The following GALM variants were observed in gnomAD, a reference collection of about 807,000 sequenced individuals.
GALM encodes galactose mutarotase, also known as aldose 1-epimerase.
A neutral mutation model predicts 37.4 loss-of-function variants in GALM; 43 were observed. That is an observed-to-expected ratio of 1.15 (90% confidence interval 0.90 to 1.48). The LOEUF (loss-of-function observed/expected upper bound fraction) is 1.48. Ranked by LOEUF, GALM falls within the 40% of genes most tolerant of loss-of-function variation. GALM has a pLI of 0.00. For synonymous variants in GALM, 199 were observed against 170.6 expected (o/e 1.17, Z -1.30); for missense variants, 456 against 419.1 (o/e 1.09, Z -0.77).
chr2:38,708,117 TAAAA>T (rs1666077973), intron 4 of GALM, among the ~76,000 whole-genome samples: 2 of 30,670 alleles, frequency 6.5e-5, no homozygotes, highest in Non-Finnish European at 1.7e-4. Flanking sequence ...AAAATTAAAA[TAAAA>T]TAAAATAAAA....
chr2:38,693,689 C>T (rs1274564985), intron 4 of GALM, among the ~76,000 whole-genome samples: 2 of 152,038 alleles, frequency 1.3e-5, no homozygotes, highest in African/African-American at 2.4e-5. Context: ...TAATTCATAC[C>T]ACAAGCCTGT....
chr2:38,714,830 A>G (rs946453623), intron 4 of GALM, among the ~76,000 whole-genome samples: 4 of 152,252 alleles, frequency 2.6e-5, no homozygotes, highest in African/African-American at 9.6e-5. Flanking sequence ...TGGATAGTCA[A>G]CTAGCATTGG....
intron 1 of GALM, chr2:38,671,336 T>C (rs1338272932): frequency 1.3e-5 from 2 of 152,048 alleles, no homozygotes; most frequent in African/African-American, 4.8e-5. Context: ...ATAAAGAAAA[T>C]AGGTTTAGTT....
At chr2:38,667,014 C>T (rs964309810) in intron 1 of GALM, among the ~76,000 whole-genome samples, 23 of 152,130 alleles carry the variant, frequency 1.5e-4, no homozygotes, top group African/African-American at 5.1e-4. Context: ...TCTATTAATC[C>T]GATGACCTCA....
Position 38,676,033 on chromosome 2 carries a change from C to G in GALM, c.312C>G (p.Asn104Lys). ...ACCTGGCCATTAACAAGGAACCCAA[C>G]AGTCTGCATGGAGGAGTCAGAGGGT... ...EYHLAINKEP[N>K]SLHGGVRGFD... Residue 104 changes from asparagine to lysine, a missense_variant, in exon 2 of 7, where the codon AAC becomes AAG. Physicochemically the swap from Asn to Lys is moderately conservative, Grantham distance 94. Transcript: ENST00000272252. 2 of 1,614,122 alleles carry G rather than the reference C, an allele frequency of 1.2e-6. No homozygotes were observed. The highest frequency in any genetic ancestry group is 1.7e-6 in the Non-Finnish European group (2 of 1,180,016).
chr2:38,714,284 G>A (rs553738186), intron 4 of GALM, among the ~76,000 whole-genome samples: 6 of 151,384 alleles, frequency 4.0e-5, no homozygotes, highest in African/African-American at 9.7e-5. Flanking sequence ...GTGTGATCTC[G>A]GCTCACTGCA....
At chr2:38,725,332 T>G (rs1282196488) in intron 4 of GALM, among the ~76,000 whole-genome samples, 1 of 149,588 alleles carries the variant, frequency 6.7e-6, no homozygotes, top group Non-Finnish European at 1.5e-5. Flanking sequence ...CCCAGGAGTT[T>G]GAAACCAGCC....
Position 38,676,039 on chromosome 2 carries a change from G to A in GALM, c.318G>A (p.Leu106=). ...HLAINKEPNS[L]HGGVRGFDKV... The stretch of plus-strand genomic sequence containing the variant: ...CCATTAACAAGGAACCCAACAGTCT[G>A]CATGGAGGAGTCAGAGGGTTTGATA... Residue 106 remains leucine (L), a synonymous_variant, in exon 2 of 7, where the codon CTG becomes CTA. Transcript: ENST00000272252. 1 of 1,614,102 alleles carries A rather than the reference G, an allele frequency of 6.2e-7. No homozygotes were observed. The highest frequency in any genetic ancestry group is 8.5e-7 in the Non-Finnish European group (1 of 1,180,012).
intron 2 of GALM, among the ~76,000 whole-genome samples, chr2:38,676,502 C>G (rs1187239212): frequency 4.6e-5 from 7 of 152,226 alleles, no homozygotes; most frequent in African/African-American, 1.7e-4. Flanking sequence ...GTGGCTCACG[C>G]CTGTAATCCC....
intron 1 of GALM, among the ~76,000 whole-genome samples, chr2:38,673,175 T>TA (rs1017084660): frequency 2.8e-4 from 42 of 152,316 alleles, no homozygotes; most frequent in African/African-American, 9.4e-4. Context: ...CTGTGACCTG[T>TA]AACTGGCCTA....
intron 2 of GALM, among the ~76,000 whole-genome samples, chr2:38,680,481 A>C (rs1665369766): frequency 6.6e-6 from 1 of 152,202 alleles, no homozygotes; most frequent in African/African-American, 2.4e-5. Flanking sequence ...GCTAGGGACA[A>C]ATGAGGCCCC....
intron 4 of GALM, among the ~76,000 whole-genome samples, chr2:38,693,006 T>C (rs1665713554): frequency 6.6e-6 from 1 of 152,146 alleles, no homozygotes; most frequent in African/African-American, 2.4e-5. Context: ...GTCAGATCTG[T>C]ACCAGGCTCT....
chr2:38,700,215 G>A (rs1399548134), intron 4 of GALM, among the ~76,000 whole-genome samples: 6 of 152,102 alleles, frequency 3.9e-5, no homozygotes, highest in Non-Finnish European at 8.8e-5. Context: ...GCCTCCCAAC[G>A]TACTAGGATA....
intron 2 of GALM, chr2:38,680,050 T>C (rs1270206551): frequency 4.4e-6 from 2 of 455,652 alleles, no homozygotes; most frequent in African/African-American, 2.0e-5. Context: ...TGTCTTACTC[T>C]GTCACCCAGA....
At chr2:38,713,294 A>C (rs1666207574) in intron 4 of GALM, among the ~76,000 whole-genome samples, 1 of 152,154 alleles carries the variant, frequency 6.6e-6, no homozygotes, top group Non-Finnish European at 1.5e-5. Flanking sequence ...GGTCAGGCAG[A>C]AGGGTTGTCT....
Position 38,667,413 on chromosome 2 carries a change from CA to C in GALM, c.190+1069del, listed in dbSNP as rs1254518454. ...TGAAACCCTGTCTCTACTAAAAATA[CA>C]AAAAAATTAGCTGAGCATGGTGGCA... On this transcript the variant is annotated intron_variant, in intron 1 of 6. Transcript: ENST00000272252. 2.0e-5 allele frequency among the ~76,000 whole-genome samples: 3 copies of C among 150,180 alleles called. No homozygotes were observed. The Admixed American group carries it at 2.0e-4, about 10-fold the overall frequency.
At chr2:38,704,829 A>G (rs1387290156) in intron 4 of GALM, among the ~76,000 whole-genome samples, 1 of 152,128 alleles carries the variant, frequency 6.6e-6, no homozygotes, top group African/African-American at 2.4e-5. Flanking sequence ...TTTAATGCAA[A>G]AACTCCAAGG....
At chr2:38,701,161 T>C (rs1285576522) in intron 4 of GALM, among the ~76,000 whole-genome samples, 3 of 152,206 alleles carry the variant, frequency 2.0e-5, no homozygotes, top group Non-Finnish European at 4.4e-5. Flanking sequence ...ATCAAATCCT[T>C]CTATTTTGCC....
chr2:38,727,248 CT>C (rs1666505528), intron 4 of GALM, among the ~76,000 whole-genome samples: 1 of 151,002 alleles, frequency 6.6e-6, no homozygotes, highest in Admixed American at 6.6e-5. Context: ...GCAAGGAATC[CT>C]TTGTGCACTT....
Sources: allele counts gnomAD v4.1 joint callset (sites outside exome capture counted in the v4.1 genomes callset), GRCh38; gene constraint gnomAD v4.1.1; transcripts MANE v1.5; gene names NCBI Gene and HGNC (gene_info 2026-07-23, HGNC 2026-07-21).